Variants in DTWD2 observed in about 807,000 individuals in gnomAD.
The protein encoded by DTWD2 is tRNA-uridine aminocarboxypropyltransferase 2.
DTWD2 carries 39 observed loss-of-function variants against 31.8 expected under a neutral mutation model. The ratio of observed to expected loss-of-function variants is 1.22; its 90% CI spans 0.95 to 1.60. The LOEUF is 1.60. Ranked by LOEUF, DTWD2 falls within the 40% of genes most tolerant of loss-of-function variation. The probability of loss-of-function intolerance (pLI) is 0.00; values close to 1 mark genes in which losing one functional copy is unlikely to be tolerated. For missense variants in DTWD2, 515 were observed against 381.5 expected (o/e 1.35, Z -2.92); for synonymous variants, 180 against 142.8 (o/e 1.26, Z -1.86).
chr5:118,883,629 C>G (rs1415828143), intron 4 of DTWD2, among the ~76,000 whole-genome samples: 1 of 152,128 alleles, frequency 6.6e-6, no homozygotes, highest in Non-Finnish European at 1.5e-5. Flanking sequence ...AAGTAGGCAC[C>G]TCTTACATGG....
chr5:118,987,683 T>A (rs1437835215), intron 1 of DTWD2, among the ~76,000 whole-genome samples: 1 of 152,242 alleles, frequency 6.6e-6, no homozygotes, highest in Non-Finnish European at 1.5e-5. Flanking sequence ...TGTCAGTGAT[T>A]ACCAAAGCAC....
At chr5:118,911,132 C>A (rs1753449601) in intron 4 of DTWD2, among the ~76,000 whole-genome samples, 1 of 152,058 alleles carries the variant, frequency 6.6e-6, no homozygotes, top group African/African-American at 2.4e-5. Flanking sequence ...AAAAACTCAA[C>A]CCAATTAATA....
At chr5:118,893,172 C>T (rs1224370922) in intron 4 of DTWD2, among the ~76,000 whole-genome samples, 1 of 151,816 alleles carries the variant, frequency 6.6e-6, no homozygotes, top group Non-Finnish European at 1.5e-5. Flanking sequence ...ATCAGGAGTT[C>T]GAGACTAGCC....
intron 4 of DTWD2, among the ~76,000 whole-genome samples, chr5:118,926,622 C>T (rs2149577897): frequency 6.6e-6 from 1 of 152,294 alleles, no homozygotes; most frequent in East Asian, 1.9e-4. Flanking sequence ...TAAAAGAACA[C>T]TTTAACCCAA....
chr5:118,892,374 A>G (rs1752993836), intron 4 of DTWD2, among the ~76,000 whole-genome samples: 2 of 152,136 alleles, frequency 1.3e-5, no homozygotes, highest in Admixed American at 1.3e-4. Flanking sequence ...TAAAATCACC[A>G]ATTTAACTCA....
chr5:118,938,144 G>C (rs1247624654), intron 3 of DTWD2, among the ~76,000 whole-genome samples: 6 of 152,186 alleles, frequency 3.9e-5, no homozygotes, highest in African/African-American at 1.4e-4. Flanking sequence ...TGGGACCAAG[G>C]TAAAGATGTT....
At position 118,889,040 on chromosome 5, in the gene DTWD2, T is replaced by C. The variant is rs1409651301; in HGVS notation, c.597+39497A>G. Among the ~76,000 whole-genome samples, 2 of 152,218 alleles carry C rather than the reference T, an allele frequency of 1.3e-5. 1 individual carries two copies. The highest frequency in any genetic ancestry group is 4.8e-5 in the African/African-American group (2 of 41,470). On this transcript the variant is annotated intron_variant, in intron 4 of 5. Transcript: ENST00000510708. ...TTGAAGACATTTCTCAGTATGTGAT[T>C]TGTCTTTTCATTCTCTTAATGTATG...
At chr5:118,864,529 TAA>T (rs750961429) in intron 4 of DTWD2, among the ~76,000 whole-genome samples, 20 of 132,574 alleles carry the variant, frequency 1.5e-4, no homozygotes, top group Admixed American at 1.5e-4. Context: ...CTTAGAGTAT[TAA>T]AAAAAAAAAA....
At chr5:118,935,023 T>C (rs977970783) in intron 3 of DTWD2, among the ~76,000 whole-genome samples, 7 of 152,158 alleles carry the variant, frequency 4.6e-5, no homozygotes, top group Admixed American at 2.0e-4. Flanking sequence ...GATTAGTCAC[T>C]GGAAAGACTA....
At chr5:118,846,729 G>C (rs574007747) in intron 5 of DTWD2, among the ~76,000 whole-genome samples, 1 of 152,028 alleles carries the variant, frequency 6.6e-6, no homozygotes, top group African/African-American at 2.4e-5. Flanking sequence ...GACACATATG[G>C]GGTATATAAA....
At chr5:118,977,025 G>T (rs1337905266) in intron 1 of DTWD2, among the ~76,000 whole-genome samples, 3 of 152,142 alleles carry the variant, frequency 2.0e-5, no homozygotes, top group African/African-American at 7.2e-5. Context: ...ATGCAAGGCT[G>T]GTTCAACATA....
In DTWD2 at chr5:118,941,127, C is replaced by G. The variant is rs145852620; in HGVS notation, c.310-1837G>C. The stretch of plus-strand genomic sequence containing the variant: ...TAGAGCCTATCTAAATGGTTAATAA[C>G]TTTTCTATGGGAGAGTCAAAAACTA... On this transcript the variant is annotated intron_variant, in intron 2 of 5. Coordinates refer to ENST00000510708, the MANE Select transcript of DTWD2 (RefSeq NM_173666.4). Among the ~76,000 whole-genome samples the G allele has an allele frequency of 2.3e-3, 347 of 152,126 alleles. 2 individuals carry two copies. Among genetic ancestry groups the G allele is most frequent in the African/African-American group, 7.7e-3 (318 of 41,530 alleles).
Position 118,928,672 on chromosome 5 carries a change from C to G in DTWD2, c.462G>C (p.Gly154=). Residue 154 remains glycine, a synonymous_variant, in exon 4 of 6, where the codon GGG becomes GGC. Coordinates refer to ENST00000510708, the MANE Select transcript of DTWD2 (RefSeq NM_173666.4). ...RKSGTLILYP[G]AEAANLEEFI... ...ATTCTTCCAAATTAGCAGCTTCAGC[C>G]CCTGGATATAATATTAATGTACCAG... is the stretch of plus-strand genomic sequence containing the variant. 6.3e-7 allele frequency: 1 copy of G among 1,594,782 alleles called. No homozygotes were observed. The highest frequency in any genetic ancestry group is 8.5e-7 in the Non-Finnish European group (1 of 1,169,984).
chr5:118,946,690 A>C (rs1479748156), intron 1 of DTWD2, among the ~76,000 whole-genome samples: 2 of 152,134 alleles, frequency 1.3e-5, no homozygotes, highest in East Asian at 3.8e-4. Flanking sequence ...ATCTATTCAA[A>C]TTTTGACTGA....
rs36042211 is a variant in DTWD2 at position 118,884,996 on chromosome 5, C to CAA, written c.598-36780_598-36779dup. Among the ~76,000 whole-genome samples the CAA allele has an allele frequency of 9.6e-3, 472 of 49,416 alleles. 2 individuals carry two copies. Among genetic ancestry groups the CAA allele is most frequent in the African/African-American group, 0.014 (168 of 11,936 alleles). The allele number at this position is 49,416 out of a possible 152,430, so 32.4% of individuals were successfully genotyped here. A position where few individuals can be genotyped will look rare whatever the true frequency, so the allele number is the denominator to read the frequency against. On this transcript the variant is annotated intron_variant, in intron 4 of 5. Transcript: ENST00000510708. ...GGGGGACAGAGTGAGACTCCATCTC[C>CAA]AAAAAAAAAAAAAAAAAAAAAAATC...
At chr5:118,955,629 A>G (rs907275960) in intron 1 of DTWD2, among the ~76,000 whole-genome samples, 1 of 152,184 alleles carries the variant, frequency 6.6e-6, no homozygotes, top group African/African-American at 2.4e-5. Flanking sequence ...TCACTGTGCC[A>G]GAAATAATTT....
intron 4 of DTWD2, among the ~76,000 whole-genome samples, chr5:118,865,184 AC>A (rs1752356509): frequency 2.0e-5 from 3 of 152,204 alleles, no homozygotes; most frequent in African/African-American, 7.2e-5. Context: ...TTCCTTCACA[AC>A]CGGTAACCTT....
At position 118,978,727 on chromosome 5, in the gene DTWD2, C is replaced by T. The variant is rs143155635; in HGVS notation, c.218+9567G>A. 5.3e-5 allele frequency among the ~76,000 whole-genome samples: 8 copies of T among 152,214 alleles called. No homozygotes were observed. In the East Asian group the frequency reaches 1.5e-3, roughly 29 times the overall value. ...GACTATCAAAACGTCAACAAATGGC[C>T]AGGCACGGTGGCTCACACCTGTAAT... On this transcript the variant is annotated intron_variant, in intron 1 of 5. Transcript: ENST00000510708.
intron 4 of DTWD2, among the ~76,000 whole-genome samples, chr5:118,902,571 T>C (rs1753235735): frequency 6.6e-6 from 1 of 152,132 alleles, no homozygotes; most frequent in African/African-American, 2.4e-5. Context: ...TTCTTTATAC[T>C]TAGAAAATAT....
Sources: allele counts gnomAD v4.1 joint callset (sites outside exome capture counted in the v4.1 genomes callset), GRCh38; gene constraint gnomAD v4.1.1; transcripts MANE v1.5; gene names NCBI Gene and HGNC (gene_info 2026-07-23, HGNC 2026-07-21).